The following TEKT1 variants were observed in gnomAD, a reference collection of about 807,000 sequenced individuals.
TEKT1 encodes tektin-1.
TEKT1 carries 32 observed loss-of-function variants against 34.8 expected under a neutral mutation model. The observed-to-expected ratio is 0.92, with a 90% CI of 0.69 to 1.23. TEKT1 has a LOEUF of 1.23. TEKT1 is among the 50% of genes most tolerant of loss of function. TEKT1 has a pLI of 0.00. For missense variants in TEKT1, 492 were observed against 518.5 expected, an observed-to-expected ratio of 0.95 and a Z score of 0.50; for synonymous variants, 207 against 199.8, an observed-to-expected ratio of 1.04 and a Z score of -0.30.
chr17:6,823,815 C>CTTT (rs33937600), intron 2 of TEKT1, among the ~76,000 whole-genome samples: 87 of 77,658 alleles, frequency 1.1e-3, no homozygotes, highest in Non-Finnish European at 1.5e-3. Flanking sequence ...AAACCTCATC[C>CTTT]TTTTTTTTTT....
chr17:6,815,219 GAGCGAGA>G lies in TEKT1; in HGVS notation c.566_572del (p.Phe189SerfsTer15), dbSNP rs1445625393. 2 of 1,614,220 alleles carry G rather than the reference GAGCGAGA, an allele frequency of 1.2e-6. No homozygotes were observed. Among genetic ancestry groups the G allele is most frequent in the Non-Finnish European group, 1.7e-6 (2 of 1,180,038 alleles). On this transcript the variant is annotated frameshift_variant, in exon 5 of 8. Transcript: ENST00000338694. LOFTEE classifies it high-confidence loss of function. ...ATCTGATGTTTGGTGAGTTGTTGTTGAGCGAGAAGCAGATATCATCTATGGTCAGGGC... is the reference window on the plus strand; with the variant it reads ...ATCTGATGTTTGGTGAGTTGTTGTTGAGCAGATATCATCTATGGTCAGGGC...
At chr17:6,809,521 C>T (rs1228563488) in intron 6 of TEKT1, among the ~76,000 whole-genome samples, 9 of 152,144 alleles carry the variant, frequency 5.9e-5, no homozygotes, top group Admixed American at 3.3e-4. Flanking sequence ...CATGAGCCAC[C>T]GCGCCCAGCC....
chr17:6,821,747 A>G (rs1270457759), intron 2 of TEKT1, among the ~76,000 whole-genome samples: 1 of 152,182 alleles, frequency 6.6e-6, no homozygotes, highest in African/African-American at 2.4e-5. Context: ...AGTGATATGG[A>G]CAATGAAGTC....
chr17:6,820,689 A>G (rs567881829), intron 2 of TEKT1, among the ~76,000 whole-genome samples: 1 of 152,184 alleles, frequency 6.6e-6, no homozygotes, highest in South Asian at 2.1e-4. Flanking sequence ...CTCCTGCTGG[A>G]TGAGTTGCTC....
At chr17:6,822,300 C>G (rs1977103179) in intron 2 of TEKT1, among the ~76,000 whole-genome samples, 1 of 152,084 alleles carries the variant, frequency 6.6e-6, no homozygotes, top group African/African-American at 2.4e-5. Context: ...CCACACCCAC[C>G]TAATTTTCTT....
At position 6,798,129 on chromosome 17, in the gene TEKT1, T is replaced by A. The variant is rs752537012; in HGVS notation, c.*1898A>T. ...CATGTTCCAGACACTGTGTTGAGAG[T>A]CTTCCACACGTTATCTCGCCAATCT... is the stretch of plus-strand genomic sequence containing the variant. On this transcript the variant is annotated 3_prime_UTR_variant, in exon 8 of 8. Transcript: ENST00000338694. The A allele has an allele frequency of 3.3e-5, 5 of 152,088 alleles. No homozygotes were observed. The highest frequency in any genetic ancestry group is 5.9e-5 in the Non-Finnish European group (4 of 68,022). 9.4% of individuals were successfully genotyped at this position (152,088 alleles called of 1,614,324 possible).
intron 6 of TEKT1, 45 bp downstream of exon 6, chr17:6,812,786 G>T (rs752080463): frequency 2.5e-6 from 4 of 1,577,590 alleles, no homozygotes; most frequent in Non-Finnish European, 3.5e-6. Context: ...CATGGTGAAA[G>T]CTCCTGAATC....
At chr17:6,815,358 C>T (rs763790939) in intron 4 of TEKT1, 52 bp from the exon 5 acceptor site, 1 of 1,611,674 alleles carries the variant, frequency 6.2e-7, no homozygotes, top group Non-Finnish European at 8.5e-7. Context: ...CCAGGTGGCA[C>T]CCACGTCCTC....
intron 6 of TEKT1, among the ~76,000 whole-genome samples, chr17:6,802,901 T>C (rs1301482024): frequency 6.6e-6 from 1 of 152,202 alleles, no homozygotes; most frequent in Admixed American, 6.5e-5. Flanking sequence ...CTATTGTGAA[T>C]AGTGCCACAA....
intron 6 of TEKT1, among the ~76,000 whole-genome samples, chr17:6,810,225 G>GT (rs983623100): frequency 1.3e-5 from 2 of 152,182 alleles, no homozygotes; most frequent in African/African-American, 4.8e-5. Context: ...AATGACATAG[G>GT]ATGTTGAGCA....
intron 2 of TEKT1, among the ~76,000 whole-genome samples, chr17:6,821,074 C>T (rs1597792578): frequency 1.3e-5 from 2 of 152,272 alleles, no homozygotes; most frequent in Admixed American, 1.3e-4. Context: ...TTGTATATGA[C>T]CTGTTTTTTC....
At chr17:6,803,491 T>C (rs964622898) in intron 6 of TEKT1, among the ~76,000 whole-genome samples, 2 of 152,134 alleles carry the variant, frequency 1.3e-5, no homozygotes, top group African/African-American at 4.8e-5. Context: ...ATTTTGTCTT[T>C]TGTTGCCATT....
At chr17:6,828,085 C>T (rs7225232) in intron 2 of TEKT1, among the ~76,000 whole-genome samples, 2,751 of 152,176 alleles carry the variant, frequency 0.018, 99 homozygotes, top group African/African-American at 0.063. Flanking sequence ...ACCGGGACTA[C>T]AGATGCATGC....
chr17:6,824,720 A>T (rs974575492), intron 2 of TEKT1, among the ~76,000 whole-genome samples: 1 of 152,204 alleles, frequency 6.6e-6, no homozygotes, highest in Non-Finnish European at 1.5e-5. Flanking sequence ...AGCATCTAGC[A>T]CAGGGTCAGA....
intron 6 of TEKT1, among the ~76,000 whole-genome samples, chr17:6,803,217 G>A (rs976919549): frequency 3.3e-5 from 5 of 152,150 alleles, no homozygotes; most frequent in African/African-American, 7.2e-5. Flanking sequence ...CAGTGATGAC[G>A]AGCATTTTTT....
rs1904542955 is a variant in TEKT1 at position 6,830,368 on chromosome 17, T to G, written c.9A>C (p.Lys3Asn). 1.3e-6 allele frequency: 2 copies of G among 1,575,560 alleles called. No individual in the cohort carries two copies. The highest frequency in any genetic ancestry group is 4.5e-5 in the East Asian group (2 of 44,068). The change falls in exon 2 of 8, where the codon AAA becomes AAC. Residue 3 changes from lysine to asparagine, a missense_variant. Coordinates refer to ENST00000338694, the MANE Select transcript of TEKT1 (RefSeq NM_053285.2). MA[K>N]LLQPPPKFLP... is the part of the protein sequence containing the mutation. ...GGAACTTGGGTGGAGGTTGTAATAG[T>G]TTAGCCATTTGAGGTTTCCAAATTC... is the stretch of plus-strand genomic sequence containing the variant.
rs1296538966 is a variant in TEKT1, at chr17:6,811,586, C to T, written c.852+1245G>A. On this transcript the variant is annotated intron_variant, in intron 6 of 7. Coordinates refer to ENST00000338694, the MANE Select transcript of TEKT1 (RefSeq NM_053285.2). The surrounding 1 kb of genome is among the most constrained non-coding windows in gnomAD (Gnocchi z 4.4). ...GGTTTGCTGAATATTGCAGTTTCAC[C>T]CTCGATGATACTCTGGTTTCTCCAG... 6.6e-6 allele frequency among the ~76,000 whole-genome samples: 1 copy of T among 152,090 alleles called. No homozygotes were observed. Among genetic ancestry groups the T allele is most frequent in the East Asian group, 1.9e-4 (1 of 5,172 alleles).
At position 6,811,710 on chromosome 17, in the gene TEKT1, G is replaced by A. The variant is rs1206222110; in HGVS notation, c.852+1121C>T. On this transcript the variant is annotated intron_variant, in intron 6 of 7. Coordinates refer to ENST00000338694, the MANE Select transcript of TEKT1 (RefSeq NM_053285.2). This position sits in a 1 kb window ranked among gnomAD's most constrained non-coding sequence, Gnocchi z 4.4. ...GGACAGGGATTCAGGGGCTGAGAAG[G>A]CCTGGGCTCCACTCCCACCGTGCCG... 1.3e-5 allele frequency among the ~76,000 whole-genome samples: 2 copies of A among 152,126 alleles called. No homozygotes were observed. Among genetic ancestry groups the A allele is most frequent in the Non-Finnish European group, 2.9e-5 (2 of 68,034 alleles).
At chr17:6,825,093 G>C (rs1487841740) in intron 2 of TEKT1, among the ~76,000 whole-genome samples, 2 of 152,138 alleles carry the variant, frequency 1.3e-5, no homozygotes, top group Admixed American at 6.5e-5. Flanking sequence ...AATGAATGGG[G>C]AAAGAAGCAT....
Sources: allele counts gnomAD v4.1 joint callset (sites outside exome capture counted in the v4.1 genomes callset), GRCh38; gene constraint gnomAD v4.1.1; non-coding constraint Gnocchi (gnomAD v3.1); transcripts MANE v1.5; gene names NCBI Gene and HGNC (gene_info 2026-07-23, HGNC 2026-07-21).